Variants in USP34 observed in about 807,000 individuals in gnomAD.
USP34 encodes ubiquitin carboxyl-terminal hydrolase 34.
Under a neutral mutation model 460.3 loss-of-function variants are expected in USP34, and 70 were observed. The observed-to-expected ratio is 0.15, with a 90% CI of 0.13 to 0.19. USP34 has a LOEUF of 0.19. USP34 is among the 10% of genes least tolerant of loss of function. The pLI is 1.00. For missense variants in USP34, 3,985 were observed against 4,236.2 expected, an observed-to-expected ratio of 0.94 and a Z score of 1.65; for synonymous variants, 1,647 against 1,405.3, an observed-to-expected ratio of 1.17 and a Z score of -3.85.
At chr2:61,259,420 C>T (rs2103901598) in intron 44 of USP34, among the ~76,000 whole-genome samples, 2 of 151,950 alleles carry the variant, frequency 1.3e-5, no homozygotes, top group South Asian at 4.2e-4. Context: ...CAGAGTCTCA[C>T]TCTGTCACCT....
chr2:61,409,489 G>A (rs1457212523), intron 2 of USP34, among the ~76,000 whole-genome samples: 2 of 152,060 alleles, frequency 1.3e-5, no homozygotes, highest in African/African-American at 4.8e-5. Context: ...CAAGGCAGGT[G>A]GATCACTTGA....
At chr2:61,267,041 C>G (rs1689070241) in intron 41 of USP34, among the ~76,000 whole-genome samples, 1 of 152,186 alleles carries the variant, frequency 6.6e-6, no homozygotes, top group Non-Finnish European at 1.5e-5. Context: ...CTCCTAGGCT[C>G]AAGAGAACGT....
At chr2:61,230,868 A>G (rs1314215022) in intron 58 of USP34, among the ~76,000 whole-genome samples, 3 of 151,738 alleles carry the variant, frequency 2.0e-5, no homozygotes, top group Non-Finnish European at 1.5e-5. Flanking sequence ...ACAAAACACA[A>G]AAACAAAAAA....
chr2:61,325,166 T>C (rs989701211), intron 21 of USP34, among the ~76,000 whole-genome samples: 18 of 151,808 alleles, frequency 1.2e-4, no homozygotes, highest in Middle Eastern at 3.4e-3. Flanking sequence ...ATTTGAGTAA[T>C]GGGTACACAA....
chr2:61,418,705 G>A (rs1219972706), intron 2 of USP34, among the ~76,000 whole-genome samples: 1 of 152,208 alleles, frequency 6.6e-6, no homozygotes, highest in Non-Finnish European at 1.5e-5. Flanking sequence ...AGGGGAGGAA[G>A]AGAGGAAGAT....
rs191079506 is a variant in USP34, at chr2:61,451,281, C to T, written c.43+19369G>A. 4.8e-4 allele frequency among the ~76,000 whole-genome samples: 67 copies of T among 138,550 alleles called. No individual in the cohort carries two copies. In the Middle Eastern group the frequency reaches 0.013, roughly 27 times the overall value. 90.9% of individuals were successfully genotyped at this position (138,550 alleles called of 152,430 possible). ...ACTTTTCACAACCTATTTGGTTTAA[C>T]GGCACCAGGCACAAAGATAAATTAT... On this transcript the variant is annotated intron_variant, in intron 1 of 79. Coordinates refer to ENST00000398571, the MANE Select transcript of USP34 (RefSeq NM_014709.4).
At chr2:61,301,524 A>G (rs1298851831) in intron 27 of USP34, 70 bp from the exon 28 acceptor site, 6 of 1,353,438 alleles carry the variant, frequency 4.4e-6, no homozygotes, top group Non-Finnish European at 6.3e-6. Context: ...AAGAATATGT[A>G]GTTGTAGCAA....
chr2:61,199,404 C>T (rs1490574195), intron 75 of USP34, among the ~76,000 whole-genome samples: 2 of 152,052 alleles, frequency 1.3e-5, no homozygotes, highest in Admixed American at 6.6e-5. Context: ...TTCAAGTGCC[C>T]GCCACCACGC....
chr2:61,382,838 C>T (rs1693014506), intron 6 of USP34, among the ~76,000 whole-genome samples: 1 of 152,148 alleles, frequency 6.6e-6, no homozygotes, highest in African/African-American at 2.4e-5. Context: ...CTCAAGCCAC[C>T]TTTGCTGCTA....
chr2:61,373,245 G>A (rs976643802), intron 8 of USP34, among the ~76,000 whole-genome samples: 1 of 151,478 alleles, frequency 6.6e-6, no homozygotes, highest in Non-Finnish European at 1.5e-5. Flanking sequence ...GATAGTAAAG[G>A]AGAAATAGAG....
chr2:61,450,339 A>G (rs757690916), intron 1 of USP34, among the ~76,000 whole-genome samples: 7 of 152,184 alleles, frequency 4.6e-5, no homozygotes, highest in South Asian at 2.1e-4. Context: ...TTGAGGTGAT[A>G]AAGTGTTCTA....
chr2:61,357,830 A>C (rs967971829), intron 10 of USP34, among the ~76,000 whole-genome samples: 5 of 152,018 alleles, frequency 3.3e-5, no homozygotes, highest in Non-Finnish European at 5.9e-5. Flanking sequence ...CTGAGCCCAG[A>C]AGGTTAAGAT....
rs1250010382 is a variant in USP34 at position 61,471,018 on chromosome 2, G to A, written c.-326C>T. Among the ~76,000 whole-genome samples, 4 of 150,972 alleles carry A rather than the reference G, an allele frequency of 2.6e-5. No homozygotes were observed. Among genetic ancestry groups the A allele is most frequent in the Non-Finnish European group, 5.9e-5 (4 of 67,412 alleles). ...GGCGGGTGGGGAGAGAAGCAGCAGAGTCACTTCACCGACCAGACGCCGCGG... is the reference window on the plus strand; with the variant it reads ...GGCGGGTGGGGAGAGAAGCAGCAGAATCACTTCACCGACCAGACGCCGCGG... On this transcript the variant is annotated 5_prime_UTR_variant, in exon 1 of 80. Coordinates refer to ENST00000398571, the MANE Select transcript of USP34 (RefSeq NM_014709.4).
At chr2:61,374,483 G>C (rs1477306611) in intron 8 of USP34, among the ~76,000 whole-genome samples, 3 of 152,190 alleles carry the variant, frequency 2.0e-5, no homozygotes, top group Non-Finnish European at 4.4e-5. Context: ...AGCAGTGAAA[G>C]ATTAGAATTT....
At chr2:61,212,612 T>C (rs1363285494) in intron 68 of USP34, among the ~76,000 whole-genome samples, 2 of 152,206 alleles carry the variant, frequency 1.3e-5, no homozygotes, top group African/African-American at 4.8e-5. Flanking sequence ...TATGCACATG[T>C]CAGGAGAGGA....
At chr2:61,459,808 G>A (rs989543708) in intron 1 of USP34, among the ~76,000 whole-genome samples, 3 of 148,418 alleles carry the variant, frequency 2.0e-5, no homozygotes, top group African/African-American at 5.0e-5. Flanking sequence ...ACCTGTAATC[G>A]TAGCACTTTG....
chr2:61,402,482 G>C (rs1378955049), intron 3 of USP34, among the ~76,000 whole-genome samples: 1 of 152,182 alleles, frequency 6.6e-6, no homozygotes, highest in Non-Finnish European at 1.5e-5. Flanking sequence ...TTTAGAAGTA[G>C]TGCAGTAGAG....
At chr2:61,433,660 G>A (rs1005476720) in intron 1 of USP34, among the ~76,000 whole-genome samples, 6 of 151,958 alleles carry the variant, frequency 3.9e-5, no homozygotes, top group African/African-American at 1.5e-4. Flanking sequence ...ATAAAAAGGA[G>A]AATCCCACAG....
intron 76 of USP34, 26 bp downstream of exon 76, chr2:61,192,875 A>C (rs1236151319): frequency 5.6e-6 from 9 of 1,594,094 alleles, no homozygotes; most frequent in African/African-American, 1.3e-5. Flanking sequence ...ATTAAAGACC[A>C]ATCATCTAAA....
Sources: gnomAD v4.1 joint callset for allele counts (sites outside exome capture counted in the v4.1 genomes callset) on GRCh38, gnomAD v4.1.1 for gene constraint, MANE v1.5 for transcripts, NCBI Gene and HGNC (gene_info 2026-07-23, HGNC 2026-07-21) for gene names.